The following KIAA1671 variants were observed in gnomAD, a reference collection of about 807,000 sequenced individuals.
KIAA1671 encodes uncharacterized protein KIAA1671.
A neutral mutation model predicts 131.2 loss-of-function variants in KIAA1671; 52 were observed. The ratio of observed to expected loss-of-function variants is 0.40; its 90% CI spans 0.32 to 0.50. The LOEUF (loss-of-function observed/expected upper bound fraction) is 0.50. Ranked by LOEUF, KIAA1671 falls within the 20% of genes least tolerant of loss-of-function variation. The pLI, the probability that KIAA1671 is intolerant of heterozygous loss-of-function variation, is 0.73. For synonymous variants in KIAA1671, 1,003 were observed against 961.6 expected (o/e 1.04, Z -0.80); for missense variants, 2,360 against 2,364.2 (o/e 1.00, Z 0.04).
chr22:25,148,310 TCCTCAGTCCCAGCCCTC>T (rs1370301294), intron 6 of KIAA1671, among the ~76,000 whole-genome samples: 2 of 138,084 alleles, frequency 1.4e-5, no homozygotes, highest in Non-Finnish European at 3.1e-5. Flanking sequence ...TCCCAACCCT[TCCTCAGTCCCAGCCCTC>T]CCACAGTCCC....
At chr22:25,035,036 C>CTT (rs143999685) in intron 4 of KIAA1671, among the ~76,000 whole-genome samples, 14 of 117,536 alleles carry the variant, frequency 1.2e-4, no homozygotes, top group East Asian at 2.5e-4. Flanking sequence ...TGCGCCTGGC[C>CTT]TTTTTTTTTT....
At chr22:25,123,414 G>A (rs941028595) in intron 6 of KIAA1671, among the ~76,000 whole-genome samples, 5 of 151,920 alleles carry the variant, frequency 3.3e-5, no homozygotes, top group Admixed American at 2.6e-4. Context: ...GGATGGTCTC[G>A]ATTTCCTGAC....
chr22:25,111,438 A>C (rs1480797267), intron 6 of KIAA1671, among the ~76,000 whole-genome samples: 1 of 152,210 alleles, frequency 6.6e-6, no homozygotes, highest in African/African-American at 2.4e-5. Flanking sequence ...CGCCTCCCCG[A>C]GGCCCCTCCT....
In KIAA1671 at chr22:25,146,274, G is replaced by A. The variant is rs770801053; in HGVS notation, c.4531-24546G>A. Among the ~76,000 whole-genome samples, 7 of 152,178 alleles carry A rather than the reference G, an allele frequency of 4.6e-5. 1 individual carries two copies. In the South Asian group the frequency reaches 1.5e-3, roughly 32 times the overall value. On this transcript the variant is annotated intron_variant, in intron 6 of 12. Coordinates refer to ENST00000358431, the MANE Select transcript of KIAA1671 (RefSeq NM_001145206.2). ...GCAGCAGAACCAAGACCCAACCCAG[G>A]TCTGTCTGACCTCAGACCAGTTTTA...
intron 6 of KIAA1671, among the ~76,000 whole-genome samples, chr22:25,067,113 C>T (rs1389672142): frequency 1.3e-5 from 2 of 152,082 alleles, no homozygotes; most frequent in Non-Finnish European, 2.9e-5. Flanking sequence ...GGCAGCTTCT[C>T]CTGGGGGTGT....
Position 25,171,063 on chromosome 22 carries a change from T to C in KIAA1671, c.4649+125T>C, listed in dbSNP as rs536172327. ...AGTCTGTAATTATAAAAGGAACCCA[T>C]TCTTCTTTTAAAAAGGAAATTAGGA... On this transcript the variant is annotated intron_variant, in intron 7 of 12. Transcript: ENST00000358431. The C allele has an allele frequency of 1.1e-5, 8 of 746,232 alleles. No individual in the cohort carries two copies. The East Asian group carries it at 1.9e-4, about 18-fold the overall frequency. The allele number at this position is 746,232 out of a possible 1,614,324, so 46.2% of individuals were successfully genotyped here. A position where few individuals can be genotyped will look rare whatever the true frequency, so the allele number is the denominator to read the frequency against.
rs1930184675 is a variant in KIAA1671 at position 25,093,748 on chromosome 22, C to CTCTT, written c.4530+44387_4530+44388insTTCT. 1.0e-3 allele frequency among the ~76,000 whole-genome samples: 117 copies of CTCTT among 111,454 alleles called. 1 individual carries two copies. Among genetic ancestry groups the CTCTT allele is most frequent in the African/African-American group, 1.7e-3 (46 of 26,762 alleles). The allele number at this position is 111,454 out of a possible 152,430, so 73.1% of individuals were successfully genotyped here. A position where few individuals can be genotyped will look rare whatever the true frequency, so the allele number is the denominator to read the frequency against. On this transcript the variant is annotated intron_variant, in intron 6 of 12. Transcript: ENST00000358431. The stretch of plus-strand genomic sequence containing the variant: ...ACACACACACACACACTCTCTCTCT[C>CTCTT]TCTCTCTCTCTCTCTCTCTGTCTCT...
chr22:24,983,341 G>A (rs1923330056), intron 1 of KIAA1671, among the ~76,000 whole-genome samples: 1 of 152,106 alleles, frequency 6.6e-6, no homozygotes, highest in Non-Finnish European at 1.5e-5. Flanking sequence ...GCTTCCAGTG[G>A]CTTCCGGCAA....
intron 1 of KIAA1671, among the ~76,000 whole-genome samples, chr22:25,009,002 A>C (rs1924889862): frequency 6.6e-6 from 1 of 152,190 alleles, no homozygotes; most frequent in East Asian, 1.9e-4. Context: ...AGGCACAGAG[A>C]TACTCCTGGG....
intron 11 of KIAA1671, among the ~76,000 whole-genome samples, chr22:25,187,470 C>T (rs970255764): frequency 3.7e-5 from 5 of 135,690 alleles, no homozygotes; most frequent in Admixed American, 2.4e-4. Context: ...TCTTCATAAA[C>T]GTGATTTTTT....
At chr22:24,975,745 T>C (rs1922878641) in intron 1 of KIAA1671, among the ~76,000 whole-genome samples, 1 of 152,140 alleles carries the variant, frequency 6.6e-6, no homozygotes, top group South Asian at 2.1e-4. Flanking sequence ...TTTTTCCAGA[T>C]GAGAAAACTG....
chr22:25,039,419 G>A lies in KIAA1671; in HGVS notation c.2289G>A (p.Arg763=). 1 of 1,551,812 alleles carries A rather than the reference G, an allele frequency of 6.4e-7. No homozygotes were observed. The highest frequency in any genetic ancestry group is 2.4e-5 in the East Asian group (1 of 40,914). ...EEKAVTLRSL[R]SWLSLKDRQL... ...AAGCGGTCACGCTCCGCAGCCTCAG[G>A]TCTTGGCTCTCACTGAAGGACAGGC... Residue 763 remains arginine (R), a synonymous_variant, in exon 5 of 13, where the codon AGG becomes AGA. Coordinates refer to ENST00000358431, the MANE Select transcript of KIAA1671 (RefSeq NM_001145206.2).
At chr22:25,062,827 C>CCCTGCCA (rs1257589891) in intron 6 of KIAA1671, 2 of 98,998 alleles carry the variant, frequency 2.0e-5, no homozygotes, top group South Asian at 3.6e-4. Flanking sequence ...CACCCCCGCC[C>CCCTGCCA]CCCGCCACCC....
chr22:25,067,456 C>CAGA (rs1385586989), intron 6 of KIAA1671, among the ~76,000 whole-genome samples: 1 of 152,226 alleles, frequency 6.6e-6, no homozygotes, highest in East Asian at 1.9e-4. Flanking sequence ...GCTCTCCCAT[C>CAGA]AGAACCCCTA....
At chr22:25,111,277 T>C (rs1232539991) in intron 6 of KIAA1671, among the ~76,000 whole-genome samples, 1 of 152,198 alleles carries the variant, frequency 6.6e-6, no homozygotes, top group Admixed American at 6.5e-5. Flanking sequence ...CCGCATTTCC[T>C]GGTGCGCTTG....
At chr22:25,153,717 T>C (rs2145981456) in intron 6 of KIAA1671, among the ~76,000 whole-genome samples, 1 of 152,336 alleles carries the variant, frequency 6.6e-6, no homozygotes, top group Middle Eastern at 3.4e-3. Context: ...CCTAGAGTCC[T>C]GGGCACTCGG....
intron 6 of KIAA1671, among the ~76,000 whole-genome samples, chr22:25,170,263 G>A (rs553965052): frequency 3.3e-5 from 5 of 152,154 alleles, no homozygotes; most frequent in South Asian, 4.1e-4. Context: ...AATGGGGATC[G>A]TAATAAGATC....
chr22:25,087,157 C>A (rs1601297915), intron 6 of KIAA1671, among the ~76,000 whole-genome samples: 1 of 131,660 alleles, frequency 7.6e-6, no homozygotes, highest in Non-Finnish European at 1.6e-5. Context: ...TCCCACCCCC[C>A]ACCCCGCCGC....
chr22:25,162,460 G>A (rs1039780972), intron 6 of KIAA1671, among the ~76,000 whole-genome samples: 11 of 152,220 alleles, frequency 7.2e-5, no homozygotes, highest in African/African-American at 2.7e-4. Context: ...TTAGGCGGAT[G>A]TGTCAAACAC....
Sources: allele counts gnomAD v4.1 joint callset (sites outside exome capture counted in the v4.1 genomes callset), GRCh38; gene constraint gnomAD v4.1.1; transcripts MANE v1.5; gene names NCBI Gene and HGNC (gene_info 2026-07-23, HGNC 2026-07-21).